Variants in GPR139 observed in about 807,000 individuals in gnomAD.
The protein encoded by GPR139 is G protein-coupled receptor 139.
In GPR139, 12 loss-of-function variants were observed where a neutral mutation model predicts 25.8. That is an observed-to-expected ratio of 0.47 (90% CI 0.30 to 0.75). GPR139 has a LOEUF of 0.75. Ranked by LOEUF, GPR139 falls within the 30% of genes least tolerant of loss-of-function variation. The pLI is 0.07. For missense variants in GPR139, 380 were observed against 450.2 expected (o/e 0.84, Z 1.41); for synonymous variants, 184 against 179.9 (o/e 1.02, Z -0.18).
At chr16:20,037,051 A>C (rs1244336325) in intron 1 of GPR139, among the ~76,000 whole-genome samples, 1 of 152,194 alleles carries the variant, frequency 6.6e-6, no homozygotes, top group Non-Finnish European at 1.5e-5. Flanking sequence ...GCAAATGCAC[A>C]ACAGAATGTC....
chr16:20,032,226 C>A lies in GPR139; in HGVS notation c.571G>T (p.Val191Phe). Reference protein sequence around the residue: ...HVLIWIHCFTVYLVPCSIFFI... With the variant: ...HVLIWIHCFTFYLVPCSIFFI... ...AAGATGGAGCAGGGCACCAGGTAGA[C>A]GGTGAAGCAGTGGATCCAGATGAGG... Residue 191 changes from valine to phenylalanine, a missense_variant, in exon 2 of 2, where the codon GTC (valine) becomes TTC (phenylalanine). Coordinates refer to ENST00000570682, the MANE Select transcript of GPR139 (RefSeq NM_001002911.4). The A allele has an allele frequency of 6.2e-7, 1 of 1,614,136 alleles. No individual in the cohort carries two copies. The highest frequency in any genetic ancestry group is 8.5e-7 in the Non-Finnish European group (1 of 1,180,024).
At chr16:20,037,453 G>GAAA (rs139528395) in intron 1 of GPR139, among the ~76,000 whole-genome samples, 7 of 118,772 alleles carry the variant, frequency 5.9e-5, no homozygotes, top group African/African-American at 2.0e-4. Context: ...CTCTGTCTCA[G>GAAA]AAAAAAAAAA....
Position 20,028,462 on chromosome 16 carries a change from CTAAT to C in GPR139, c.*3269_*3272del, listed in dbSNP as rs2057275754. 6.6e-6 allele frequency among the ~76,000 whole-genome samples: 1 copy of C among 152,146 alleles called. No homozygotes were observed. The highest frequency in any genetic ancestry group is 2.1e-4 in the South Asian group (1 of 4,822). On this transcript the variant is annotated 3_prime_UTR_variant, in exon 2 of 2. Coordinates refer to ENST00000570682, the MANE Select transcript of GPR139 (RefSeq NM_001002911.4). ...AACAAGTCCAAACACAATATATAAT[CTAAT>C]TAAGAAAATATGAACATTTGCTTTT...
At chr16:20,039,928 T>A (rs2057324286) in intron 1 of GPR139, among the ~76,000 whole-genome samples, 4 of 152,216 alleles carry the variant, frequency 2.6e-5, no homozygotes, top group Non-Finnish European at 2.9e-5. Flanking sequence ...CAATACATTA[T>A]GGCAGGACTG....
At chr16:20,059,458 G>A (rs548224060) in intron 1 of GPR139, among the ~76,000 whole-genome samples, 8 of 152,070 alleles carry the variant, frequency 5.3e-5, no homozygotes, top group Admixed American at 2.6e-4. Context: ...TTCCCTCTAC[G>A]CCTACCCTGG....
rs577102288 is a variant in GPR139 at position 20,041,027 on chromosome 16, T to C, written c.128-8358A>G. ...GACTTAAAAGCATCTCTCCCTTTGC[T>C]TGAACCAGGGAGGCAGAGGTTGCAG... On this transcript the variant is annotated intron_variant, in intron 1 of 1. Transcript: ENST00000570682. 6.0e-5 allele frequency among the ~76,000 whole-genome samples: 9 copies of C among 150,380 alleles called. No individual in the cohort carries two copies. In the East Asian group the frequency reaches 1.6e-3, roughly 27 times the overall value.
At chr16:20,039,440 G>A (rs1004064421) in intron 1 of GPR139, among the ~76,000 whole-genome samples, 1 of 152,058 alleles carries the variant, frequency 6.6e-6, no homozygotes, top group Admixed American at 6.6e-5. Flanking sequence ...TTTAAAAACT[G>A]TTTTTTCAAT....
intron 1 of GPR139, among the ~76,000 whole-genome samples, chr16:20,056,425 G>A (rs1311781856): frequency 1.3e-5 from 2 of 152,162 alleles, no homozygotes; most frequent in Non-Finnish European, 2.9e-5. Context: ...AGGATTCAGA[G>A]GGGTAACTTC....
chr16:20,056,067 T>C (rs1032025067), intron 1 of GPR139, among the ~76,000 whole-genome samples: 4 of 152,204 alleles, frequency 2.6e-5, no homozygotes, highest in Non-Finnish European at 5.9e-5. Context: ...TTACTATCCA[T>C]GTTTCAGCCA....
At chr16:20,043,022 C>A (rs1481024590) in intron 1 of GPR139, among the ~76,000 whole-genome samples, 1 of 152,164 alleles carries the variant, frequency 6.6e-6, no homozygotes, top group Non-Finnish European at 1.5e-5. Context: ...TGGCTTCTCC[C>A]AGAAATTAGC....
chr16:20,063,759 C>T (rs1433283810), intron 1 of GPR139, among the ~76,000 whole-genome samples: 1 of 152,230 alleles, frequency 6.6e-6, no homozygotes, highest in Non-Finnish European at 1.5e-5. Context: ...TCCTAAGAGA[C>T]TGCTAGCAGT....
intron 1 of GPR139, among the ~76,000 whole-genome samples, chr16:20,051,077 A>AAAG (rs1313755306): frequency 7.7e-6 from 1 of 129,664 alleles, no homozygotes; most frequent in Non-Finnish European, 1.7e-5. Flanking sequence ...AAAAAAAAAG[A>AAAG]AAGAAAGAAA....
At chr16:20,071,394 C>A (rs1172331257) in intron 1 of GPR139, among the ~76,000 whole-genome samples, 1 of 152,182 alleles carries the variant, frequency 6.6e-6, no homozygotes, top group Non-Finnish European at 1.5e-5. Flanking sequence ...CTTTAGGTTG[C>A]TTGGTCCTTA....
chr16:20,055,745 ACTTC>A (rs1276138994), intron 1 of GPR139, among the ~76,000 whole-genome samples: 1 of 152,196 alleles, frequency 6.6e-6, no homozygotes, highest in Non-Finnish European at 1.5e-5. Flanking sequence ...GAACCAGAGA[ACTTC>A]CTTCCCAAAA....
intron 1 of GPR139, among the ~76,000 whole-genome samples, chr16:20,062,841 A>G (rs2057418586): frequency 6.6e-6 from 1 of 152,240 alleles, no homozygotes; most frequent in Non-Finnish European, 1.5e-5. Flanking sequence ...TATGTAAACT[A>G]TTGATGAGAT....
rs2057277561 is a variant in GPR139, at chr16:20,029,024, A to G, written c.*2711T>C. ...TCCATAATTATTACTATAAATAATA[A>G]TAAAAGTCCTTAGATAGTTTGAAAT... On this transcript the variant is annotated 3_prime_UTR_variant, in exon 2 of 2. Transcript: ENST00000570682. Among the ~76,000 whole-genome samples the G allele has an allele frequency of 6.6e-6, 1 of 152,248 alleles. No individual in the cohort carries two copies. The highest frequency in any genetic ancestry group is 2.1e-4 in the South Asian group (1 of 4,828).
intron 1 of GPR139, among the ~76,000 whole-genome samples, chr16:20,043,651 A>T (rs56385414): frequency 6.6e-6 from 1 of 152,348 alleles, no homozygotes; most frequent in Non-Finnish European, 1.5e-5. Context: ...ACTGGTATTC[A>T]GAGAGGGTAA....
intron 1 of GPR139, among the ~76,000 whole-genome samples, chr16:20,064,070 C>G (rs981346641): frequency 6.6e-6 from 1 of 152,192 alleles, no homozygotes; most frequent in Non-Finnish European, 1.5e-5. Context: ...TGAGAACTCA[C>G]TTTCTATCAT....
intron 1 of GPR139, among the ~76,000 whole-genome samples, chr16:20,067,804 C>CAAAAAA (rs35387821): frequency 5.8e-5 from 4 of 68,682 alleles, no homozygotes; most frequent in African/African-American, 1.2e-4. Flanking sequence ...AACTCCATCT[C>CAAAAAA]AAAAAAAAAA....
Sources: allele counts gnomAD v4.1 joint callset (sites outside exome capture counted in the v4.1 genomes callset), GRCh38; gene constraint gnomAD v4.1.1; transcripts MANE v1.5; gene names NCBI Gene and HGNC (gene_info 2026-07-23, HGNC 2026-07-21).